Variants in TTC4 observed in about 807,000 individuals in gnomAD.
The protein encoded by TTC4 is tetratricopeptide repeat domain 4.
A neutral mutation model predicts 51.9 loss-of-function variants in TTC4; 36 were observed. The ratio of observed to expected loss-of-function variants is 0.69; its 90% CI spans 0.53 to 0.92. TTC4 has a LOEUF of 0.92. TTC4 is among the 40% of genes least tolerant of loss of function. The pLI, the probability that TTC4 is intolerant of heterozygous loss-of-function variation, is 0.00. For missense variants in TTC4, 399 were observed against 454.6 expected (o/e 0.88, Z 1.11); for synonymous variants, 144 against 164.2 (o/e 0.88, Z 0.94).
At chr1:54,728,620 A>G (rs12070932) in intron 6 of TTC4, among the ~76,000 whole-genome samples, 188 bp downstream of exon 6, 18,081 of 152,174 alleles carry the variant, frequency 0.12, 1,793 homozygotes, top group African/African-American at 0.26. Flanking sequence ...CAGCTCTCTC[A>G]TGTGCATGTG....
At chr1:54,738,245 C>T (rs1002169926) in intron 9 of TTC4, among the ~76,000 whole-genome samples, 5 of 152,118 alleles carry the variant, frequency 3.3e-5, no homozygotes, top group African/African-American at 9.7e-5. Flanking sequence ...GAGACTTAGT[C>T]GCTATCACGA....
At chr1:54,728,738 C>T (rs1378715409) in intron 6 of TTC4, among the ~76,000 whole-genome samples, 1 of 152,204 alleles carries the variant, frequency 6.6e-6, no homozygotes, top group Non-Finnish European at 1.5e-5. Flanking sequence ...TGATTGCCAT[C>T]AGTCAGAACA....
At chr1:54,731,818 A>G in intron 7 of TTC4, 118 bp downstream of exon 7, 2 of 973,388 alleles carry the variant, frequency 2.1e-6, no homozygotes, top group Admixed American at 5.2e-5. Flanking sequence ...AGGGTTTCAC[A>G]CCATCTGGTT....
chr1:54,723,141 C>T (rs1380673894), intron 5 of TTC4, among the ~76,000 whole-genome samples: 1 of 152,166 alleles, frequency 6.6e-6, no homozygotes, highest in Non-Finnish European at 1.5e-5. Context: ...TACACAGATA[C>T]TTACCATTGT....
intron 1 of TTC4, among the ~76,000 whole-genome samples, 157 bp from the exon 2 acceptor site, chr1:54,716,443 C>T (rs751687335): frequency 6.6e-6 from 1 of 152,178 alleles, no homozygotes; most frequent in Non-Finnish European, 1.5e-5. Flanking sequence ...ACACCACACT[C>T]CCATTTTACA....
chr1:54,736,173 AAGGAG>A (rs1557752700), intron 8 of TTC4, among the ~76,000 whole-genome samples: 1 of 106,800 alleles, frequency 9.4e-6, no homozygotes, highest in Non-Finnish European at 1.8e-5. Flanking sequence ...GAAAGAAAGA[AAGGAG>A]AGAGAGAGAG....
At chr1:54,729,293 C>T (rs572880840) in intron 6 of TTC4, among the ~76,000 whole-genome samples, 5 of 152,298 alleles carry the variant, frequency 3.3e-5, no homozygotes, top group Non-Finnish European at 5.9e-5. Context: ...CCATGGTTGA[C>T]CACTGGTAAC....
At chr1:54,741,132 TTGAA>T (rs1646004995) in intron 9 of TTC4, among the ~76,000 whole-genome samples, 1 of 152,190 alleles carries the variant, frequency 6.6e-6, no homozygotes, top group Non-Finnish European at 1.5e-5. Context: ...CCACTGAATG[TTGAA>T]TGAATGAATA....
chr1:54,722,026 G>GT (rs1276349198), intron 4 of TTC4, among the ~76,000 whole-genome samples: 1 of 152,282 alleles, frequency 6.6e-6, no homozygotes, highest in East Asian at 1.9e-4. Context: ...AGAAGATGGG[G>GT]TTAGAATCTG....
chr1:54,740,855 A>G (rs1646002224), intron 9 of TTC4, among the ~76,000 whole-genome samples: 1 of 151,656 alleles, frequency 6.6e-6, no homozygotes, highest in Non-Finnish European at 1.5e-5. Flanking sequence ...TTTGCTCCCC[A>G]ACCCCCATCA....
chr1:54,721,678 A>G (rs768957859), intron 4 of TTC4, among the ~76,000 whole-genome samples: 2 of 152,184 alleles, frequency 1.3e-5, no homozygotes, highest in Admixed American at 6.5e-5. Context: ...TATTACTTTT[A>G]TACTTCACCT....
intron 6 of TTC4, among the ~76,000 whole-genome samples, chr1:54,730,970 G>T (rs1026084644): frequency 6.6e-6 from 1 of 151,972 alleles, no homozygotes; most frequent in Admixed American, 6.6e-5. Flanking sequence ...TTATTCCATC[G>T]TCTATGGTAC....
At chr1:54,734,126 C>T (rs559987677) in intron 8 of TTC4, among the ~76,000 whole-genome samples, 13 of 152,222 alleles carry the variant, frequency 8.5e-5, no homozygotes, top group African/African-American at 3.1e-4. Flanking sequence ...GGCTGGAGTG[C>T]AGTGGTGCGA....
At chr1:54,721,097 C>A in intron 3 of TTC4, 66 bp from the exon 4 acceptor site, 1 of 1,455,260 alleles carries the variant, frequency 6.9e-7, no homozygotes, top group Non-Finnish European at 9.6e-7. Flanking sequence ...TTTGTCACTA[C>A]ATATAAAATT....
At position 54,741,558 on chromosome 1, in the gene TTC4, G is replaced by A. The variant is rs760053092; in HGVS notation, c.*45G>A. The A allele has an allele frequency of 2.0e-6, 3 of 1,496,902 alleles. No homozygotes were observed. The African/African-American group carries it at 4.1e-5, about 21-fold the overall frequency. 92.7% of individuals were successfully genotyped at this position (1,496,902 alleles called of 1,614,324 possible). A position where few individuals can be genotyped will look rare whatever the true frequency, so the allele number is the denominator to read the frequency against. On this transcript the variant is annotated 3_prime_UTR_variant, in exon 10 of 10. Transcript: ENST00000371281. ...TCTCCTCCCTTACCCTCCTCTGCTG[G>A]GAACCTAGCACACCTGAATCAGCTG...
rs768676007 is a variant in TTC4, at chr1:54,731,583, A to T, written c.779A>T (p.Asn260Ile). 3 of 1,614,010 alleles carry T rather than the reference A, an allele frequency of 1.9e-6. No individual in the cohort carries two copies. The highest frequency in any genetic ancestry group is 4.5e-5 in the East Asian group (2 of 44,862). Reference protein sequence around the residue: ...ELFLDGLSTENPHGARLSLDG... With the variant: ...ELFLDGLSTEIPHGARLSLDG... ...TTCCTGGATGGACTCAGCACTGAGA[A>T]CCCCCATGGAGCCAGGCTGAGTCTA... Residue 260 changes from asparagine to isoleucine, a missense_variant, in exon 7 of 10, where the codon AAC (asparagine) becomes ATC (isoleucine). This residue lies in a region of TTC4 where 316 missense variants were observed against 349.6 expected (regional missense o/e 0.90). Transcript: ENST00000371281.
intron 4 of TTC4, 101 bp downstream of exon 4, chr1:54,721,341 C>G: frequency 8.9e-7 from 1 of 1,127,784 alleles, no homozygotes; most frequent in Non-Finnish European, 1.3e-6. Flanking sequence ...GTATTAAGTT[C>G]CTGTTCCTTA....
At chr1:54,727,921 A>G (rs1351349610) in intron 5 of TTC4, among the ~76,000 whole-genome samples, 1 of 152,208 alleles carries the variant, frequency 6.6e-6, no homozygotes, top group Admixed American at 6.5e-5. Flanking sequence ...AGGAAATGCA[A>G]ATCAAAACCA....
rs1557752950 is a variant in TTC4, at chr1:54,736,222, GAAGA to G, written c.979-1359_979-1356del. Reference sequence around the variant, plus strand: ...AGAGAGAGAGAGAGAGAGAGAGAGAGAAGAGGAGAGGAGAGAGAAGAGAGGAGAG... The same window carrying G: ...AGAGAGAGAGAGAGAGAGAGAGAGAGGGAGAGGAGAGAGAAGAGAGGAGAG... On this transcript the variant is annotated intron_variant, in intron 8 of 9. Coordinates refer to ENST00000371281, the MANE Select transcript of TTC4 (RefSeq NM_004623.5). Among the ~76,000 whole-genome samples the G allele has an allele frequency of 1.2e-3, 147 of 120,246 alleles. 11 individuals carry two copies. The highest frequency in any genetic ancestry group is 4.4e-3 in the African/African-American group (131 of 29,570). The allele number at this position is 120,246 out of a possible 152,430, so 78.9% of individuals were successfully genotyped here.
Sources: allele counts gnomAD v4.1 joint callset (sites outside exome capture counted in the v4.1 genomes callset), GRCh38; gene constraint gnomAD v4.1.1; regional missense constraint gnomAD v4.1.1; transcripts MANE v1.5; gene names NCBI Gene and HGNC (gene_info 2026-07-23, HGNC 2026-07-21).